The following ZMYM4 variants were observed in gnomAD, a reference collection of about 807,000 sequenced individuals.
ZMYM4 encodes zinc finger MYM-type containing 4.
A neutral mutation model predicts 183.2 loss-of-function variants in ZMYM4; 31 were observed. The ratio of observed to expected loss-of-function variants is 0.17; its 90% confidence interval spans 0.13 to 0.23. The LOEUF is 0.23. Ranked by LOEUF, ZMYM4 falls within the 10% of genes least tolerant of loss-of-function variation. The pLI is 1.00. For synonymous variants in ZMYM4, 592 were observed against 631.2 expected, an observed-to-expected ratio of 0.94 and a Z score of 0.93; for missense variants, 1,273 against 1,840.3, an observed-to-expected ratio of 0.69 and a Z score of 5.64.
Position 35,392,684 on chromosome 1 carries a change from T to TGTAA in ZMYM4, c.2766+3_2766+6dup. ...CAGTAACAGCGAAAATCATCGGTGA[T>TGTAA]GTAAGTTTTATTACTTTTATTGGTA... On this transcript the variant is annotated frameshift_variant and splice_region_variant. Transcript: ENST00000314607. LOFTEE classifies it high-confidence loss of function. 1 of 1,596,918 alleles carries TGTAA rather than the reference T, an allele frequency of 6.3e-7. No homozygotes were observed. The highest frequency in any genetic ancestry group is 1.2e-5 in the South Asian group (1 of 86,956).
intron 1 of ZMYM4, among the ~76,000 whole-genome samples, chr1:35,292,948 G>A (rs1157351888): frequency 6.6e-6 from 1 of 151,944 alleles, no homozygotes; most frequent in Non-Finnish European, 1.5e-5. Context: ...AGAAGGTGAA[G>A]TATTGTAGAG....
intron 7 of ZMYM4, among the ~76,000 whole-genome samples, chr1:35,374,681 A>G (rs1157426397): frequency 6.6e-6 from 1 of 151,844 alleles, no homozygotes. Context: ...TCAAAAAAAA[A>G]AAAAAGTCAG....
Position 35,397,420 on chromosome 1 carries a change from A to G in ZMYM4, c.3074A>G (p.Asp1025Gly). The G allele has an allele frequency of 6.2e-7, 1 of 1,612,438 alleles. No homozygotes were observed. Among genetic ancestry groups the G allele is most frequent in the East Asian group, 2.2e-5 (1 of 44,764 alleles). ...ATTCCATCTTCAATGGATAGTGAAGATAAAGTCACAGAGAGTATTGAAGAC... is the reference window on the plus strand; with the variant it reads ...ATTCCATCTTCAATGGATAGTGAAGGTAAAGTCACAGAGAGTATTGAAGAC... Reference protein sequence around the residue: ...MLIPSSMDSEDKVTESIEDIK... With the variant: ...MLIPSSMDSEGKVTESIEDIK... The change falls in exon 20 of 30, where the codon GAT becomes GGT. Residue 1025 changes from aspartate to glycine, a missense_variant. This residue lies in a region of ZMYM4 where 290 missense variants were observed against 353.3 expected (regional missense o/e 0.82). Coordinates refer to ENST00000314607, the MANE Select transcript of ZMYM4 (RefSeq NM_005095.3).
At chr1:35,383,287 G>A (rs1313984827) in intron 9 of ZMYM4, among the ~76,000 whole-genome samples, 1 of 151,766 alleles carries the variant, frequency 6.6e-6, no homozygotes, top group Non-Finnish European at 1.5e-5. Flanking sequence ...TATATTTATG[G>A]GGTAAGTACT....
chr1:35,372,586 G>A (rs1045116578), intron 7 of ZMYM4, among the ~76,000 whole-genome samples: 5 of 152,178 alleles, frequency 3.3e-5, no homozygotes, highest in Admixed American at 3.3e-4. Flanking sequence ...GCATCGCACA[G>A]TGTGTATGTG....
chr1:35,421,238 G>A lies in ZMYM4; in HGVS notation c.*1561G>A, dbSNP rs1640316679. The A allele has an allele frequency of 6.6e-6, 1 of 152,582 alleles. No individual in the cohort carries two copies. Among genetic ancestry groups the A allele is most frequent in the African/African-American group, 2.4e-5 (1 of 41,434 alleles). The allele number at this position is 152,582 out of a possible 1,614,324, so 9.5% of individuals were successfully genotyped here. On this transcript the variant is annotated 3_prime_UTR_variant, in exon 30 of 30. Coordinates refer to ENST00000314607, the MANE Select transcript of ZMYM4 (RefSeq NM_005095.3). ...AAAAAAGTAGGCCTTCTGACATTGT[G>A]TACTTGGTGGTTCTGTCCCTCTGCC...
chr1:35,319,102 A>T (rs1278922260), intron 1 of ZMYM4, among the ~76,000 whole-genome samples: 1 of 151,846 alleles, frequency 6.6e-6, no homozygotes, highest in Admixed American at 6.6e-5. Context: ...CTGGTCTCGA[A>T]CTCCCGACCT....
At chr1:35,404,847 T>C in intron 23 of ZMYM4, 176 bp from the exon 24 acceptor site, 1 of 527,328 alleles carries the variant, frequency 1.9e-6, no homozygotes, top group Non-Finnish European at 3.2e-6. Context: ...CTTCCTCATA[T>C]GGATTGGATT....
At chr1:35,410,888 C>G (rs1270345023) in intron 26 of ZMYM4, among the ~76,000 whole-genome samples, 1 of 151,960 alleles carries the variant, frequency 6.6e-6, no homozygotes, top group Non-Finnish European at 1.5e-5. Flanking sequence ...GGTGTTATAT[C>G]TAGGAATCTA....
At chr1:35,313,450 A>G (rs1410166723) in intron 1 of ZMYM4, among the ~76,000 whole-genome samples, 1 of 141,118 alleles carries the variant, frequency 7.1e-6, no homozygotes. Flanking sequence ...GTGTAGTAGC[A>G]CGATCTCAGC....
chr1:35,391,016 T>C (rs766223675), intron 15 of ZMYM4, among the ~76,000 whole-genome samples: 1 of 152,076 alleles, frequency 6.6e-6, no homozygotes, highest in African/African-American at 2.4e-5. Context: ...CTGGATGATA[T>C]AGTGAGACCC....
chr1:35,407,884 C>T lies in ZMYM4; in HGVS notation c.3797-124C>T, dbSNP rs546810024. The T allele has an allele frequency of 2.5e-6, 3 of 1,202,716 alleles. No homozygotes were observed. In the African/African-American group the frequency reaches 4.5e-5, roughly 18 times the overall value. The allele number at this position is 1,202,716 out of a possible 1,614,324, so 74.5% of individuals were successfully genotyped here. A position where few individuals can be genotyped will look rare whatever the true frequency, so the allele number is the denominator to read the frequency against. ...CTTGAGATCAGAATCTGTCTTTAAT[C>T]CATATACCCACTAGTCTGCACCGCA... On this transcript the variant is annotated intron_variant, in intron 25 of 29. Coordinates refer to ENST00000314607, the MANE Select transcript of ZMYM4 (RefSeq NM_005095.3).
chr1:35,384,351 C>T (rs552843048), intron 9 of ZMYM4, among the ~76,000 whole-genome samples: 2 of 152,260 alleles, frequency 1.3e-5, no homozygotes, highest in Admixed American at 6.5e-5. Context: ...ATTCACTTTA[C>T]TGTGTATTTA....
intron 2 of ZMYM4, among the ~76,000 whole-genome samples, chr1:35,343,298 T>C (rs561271467): frequency 6.6e-6 from 1 of 152,206 alleles, no homozygotes; most frequent in South Asian, 2.1e-4. Flanking sequence ...TCTAGAAACC[T>C]TATAGTTTAG....
chr1:35,392,702 T>C lies in ZMYM4; in HGVS notation c.2766+18T>C. On this transcript the variant is annotated intron_variant, in intron 17 of 29. Transcript: ENST00000314607. Reference sequence around the variant, plus strand: ...TCGGTGATGTAAGTTTTATTACTTTTATTGGTATTGTCACTGTATTTATTT... The same window carrying C: ...TCGGTGATGTAAGTTTTATTACTTTCATTGGTATTGTCACTGTATTTATTT... The C allele has an allele frequency of 6.3e-7, 1 of 1,583,992 alleles. No homozygotes were observed. Among genetic ancestry groups the C allele is most frequent in the Non-Finnish European group, 8.6e-7 (1 of 1,165,166 alleles).
In ZMYM4 at chr1:35,371,146, C is replaced by T. The variant is rs1262742353; in HGVS notation, c.1181+519C>T. ...ATTTATTTATTTTGAGACGGAGTCT[C>T]GCTCTGTTGCCCAGGCTGGAGTGCA... On this transcript the variant is annotated intron_variant, in intron 7 of 29. Transcript: ENST00000314607. Among the ~76,000 whole-genome samples, 6 of 151,600 alleles carry T rather than the reference C, an allele frequency of 4.0e-5. No individual in the cohort carries two copies. The South Asian group carries it at 6.2e-4, about 16-fold the overall frequency.
intron 1 of ZMYM4, among the ~76,000 whole-genome samples, chr1:35,273,861 T>A (rs1184954845): frequency 6.6e-6 from 1 of 152,116 alleles, no homozygotes; most frequent in East Asian, 1.9e-4. Context: ...GAAAAAGTAT[T>A]CATGGTATAA....
At position 35,331,793 on chromosome 1, in the gene ZMYM4, AATAC is replaced by A. The variant is rs530320433; in HGVS notation, c.85+6392_85+6395del. 1.3e-3 allele frequency among the ~76,000 whole-genome samples: 142 copies of A among 105,576 alleles called. 1 individual carries two copies. Among genetic ancestry groups the A allele is most frequent in the African/African-American group, 3.5e-3 (112 of 32,168 alleles). 69.3% of individuals were successfully genotyped at this position (105,576 alleles called of 152,430 possible). The stretch of plus-strand genomic sequence containing the variant: ...AAACAGAAAAAGACTCCATCTCAAA[AATAC>A]ATAAATAAATAAATAAATAAATAAA... On this transcript the variant is annotated intron_variant, in intron 2 of 29. Coordinates refer to ENST00000314607, the MANE Select transcript of ZMYM4 (RefSeq NM_005095.3).
At chr1:35,332,926 C>G (rs1469511345) in intron 2 of ZMYM4, among the ~76,000 whole-genome samples, 3 of 152,038 alleles carry the variant, frequency 2.0e-5, no homozygotes, top group Non-Finnish European at 4.4e-5. Flanking sequence ...ATCATCTTTT[C>G]TGACCTAGCT....
Sources: allele counts gnomAD v4.1 joint callset (sites outside exome capture counted in the v4.1 genomes callset), GRCh38; gene constraint gnomAD v4.1.1; regional missense constraint gnomAD v4.1.1; transcripts MANE v1.5; gene names NCBI Gene and HGNC (gene_info 2026-07-23, HGNC 2026-07-21).